RBFOX1: variants seen among roughly 807,000 people sequenced by gnomAD.
RBFOX1 encodes the protein RNA binding protein fox-1 homolog 1.
Under a neutral mutation model 57.7 loss-of-function variants are expected in RBFOX1, and 8 were observed. The observed-to-expected ratio is 0.14, with a 90% CI of 0.08 to 0.25. The LOEUF is 0.25. Ranked by LOEUF, RBFOX1 falls within the 10% of genes least tolerant of loss-of-function variation. The pLI is 1.00. For synonymous variants in RBFOX1, 326 were observed against 222.4 expected (o/e 1.47, Z -4.15); for missense variants, 611 against 548.5 (o/e 1.11, Z -1.14).
intron 4 of RBFOX1, among the ~76,000 whole-genome samples, chr16:7,310,386 G>A (rs866681001): frequency 5.3e-4 from 81 of 152,106 alleles, no homozygotes; most frequent in African/African-American, 1.9e-3. Flanking sequence ...GATTGATCCC[G>A]GCTAAAAAAG....
chr16:7,228,483 C>G (rs913184542), intron 4 of RBFOX1, among the ~76,000 whole-genome samples: 3 of 152,214 alleles, frequency 2.0e-5, no homozygotes, highest in Non-Finnish European at 2.9e-5. Flanking sequence ...TCTCATTGAA[C>G]TTGGTTTTCT....
At chr16:5,458,708 G>A (rs139371479) in intron 1 of RBFOX1, among the ~76,000 whole-genome samples, 2 of 152,252 alleles carry the variant, frequency 1.3e-5, no homozygotes, top group Non-Finnish European at 2.9e-5. Context: ...TTTAAGTTTT[G>A]GCTATCTGTA....
rs192529120 is a variant in RBFOX1 at position 6,178,377 on chromosome 16, G to A, written c.-126-138618G>A. Among the ~76,000 whole-genome samples, 3 of 151,936 alleles carry A rather than the reference G, an allele frequency of 2.0e-5. No homozygotes were observed. The East Asian group carries it at 5.8e-4, about 29-fold the overall frequency. On this transcript the variant is annotated intron_variant, in intron 1 of 15. Coordinates refer to ENST00000550418, the MANE Select transcript of RBFOX1 (RefSeq NM_018723.4). The stretch of plus-strand genomic sequence containing the variant: ...TTTTGGTATTTTTAGTATAGATGGG[G>A]TTTTGCCATGTTGACCAGGCTGGAC...
intron 3 of RBFOX1, among the ~76,000 whole-genome samples, chr16:6,690,125 T>C (rs1386668128): frequency 6.6e-6 from 1 of 152,220 alleles, no homozygotes; most frequent in Admixed American, 6.5e-5. Flanking sequence ...GCTTAGAAGA[T>C]GGTCTTAGAT....
intron 2 of RBFOX1, among the ~76,000 whole-genome samples, chr16:5,542,295 C>A (rs1276563853): frequency 1.4e-5 from 2 of 143,932 alleles, no homozygotes; most frequent in African/African-American, 5.2e-5. Context: ...GTCACCAAGG[C>A]TGGAGTGCAG....
intron 4 of RBFOX1, among the ~76,000 whole-genome samples, chr16:7,290,927 T>G (rs1036934827): frequency 3.3e-5 from 5 of 152,152 alleles, no homozygotes; most frequent in African/African-American, 1.2e-4. Context: ...CACACAGAGG[T>G]GCTATCATCC....
intron 4 of RBFOX1, among the ~76,000 whole-genome samples, chr16:7,106,984 A>AC (rs1567282011): frequency 6.7e-6 from 1 of 148,514 alleles, no homozygotes; most frequent in African/African-American, 2.5e-5. Context: ...ACACAGTTAA[A>AC]ACACACACAC....
intron 3 of RBFOX1, among the ~76,000 whole-genome samples, chr16:7,014,132 TA>T (rs969030790): frequency 6.6e-6 from 1 of 152,182 alleles, no homozygotes; most frequent in African/African-American, 2.4e-5. Context: ...GTATGCAGAA[TA>T]AATGCTCAAA....
intron 1 of RBFOX1, among the ~76,000 whole-genome samples, chr16:6,105,848 T>A (rs574348687): frequency 6.6e-5 from 10 of 152,296 alleles, no homozygotes; most frequent in Admixed American, 2.0e-4. Context: ...ACCCTGCTAT[T>A]GTTGCTTGAC....
chr16:6,517,986 C>A (rs17140449), intron 2 of RBFOX1, among the ~76,000 whole-genome samples: 13,874 of 152,068 alleles, frequency 0.091, 750 homozygotes, highest in Middle Eastern at 0.12. Context: ...GACATGAGAC[C>A]CACTGAGTTA....
At chr16:7,482,957 C>A (rs2064384830) in intron 4 of RBFOX1, among the ~76,000 whole-genome samples, 1 of 152,148 alleles carries the variant, frequency 6.6e-6, no homozygotes, top group South Asian at 2.1e-4. Flanking sequence ...AAGACCTTCA[C>A]CTGGCTAGGA....
At chr16:6,983,936 G>A (rs151011170) in intron 3 of RBFOX1, among the ~76,000 whole-genome samples, 141 of 152,274 alleles carry the variant, frequency 9.3e-4, no homozygotes, top group African/African-American at 3.1e-3. Flanking sequence ...CACAGTCTCT[G>A]CAGTTTACTA....
chr16:6,810,809 A>C (rs144970754), intron 3 of RBFOX1, among the ~76,000 whole-genome samples: 1 of 152,116 alleles, frequency 6.6e-6, no homozygotes, highest in Non-Finnish European at 1.5e-5. Context: ...GAAGTCACTC[A>C]CTATCAGGAG....
intron 10 of RBFOX1, among the ~76,000 whole-genome samples, chr16:7,620,766 T>G (rs2059188528): frequency 6.6e-6 from 1 of 152,192 alleles, no homozygotes; most frequent in African/African-American, 2.4e-5. Flanking sequence ...GGTGTAGCTT[T>G]GAGAGAGAGT....
chr16:5,366,555 A>C (rs892595018), intron 1 of RBFOX1: 3 of 394,970 alleles, frequency 7.6e-6, no homozygotes, highest in African/African-American at 6.4e-5. Flanking sequence ...TTAGAGCAGA[A>C]ATGCAAGCAA....
chr16:6,695,063 C>G (rs1442658993), intron 3 of RBFOX1, among the ~76,000 whole-genome samples: 2 of 152,030 alleles, frequency 1.3e-5, no homozygotes, highest in Non-Finnish European at 2.9e-5. Flanking sequence ...TGGAGAAGAA[C>G]TTTTAGATGA....
intron 3 of RBFOX1, among the ~76,000 whole-genome samples, chr16:5,761,816 G>A (rs111296278): frequency 6.6e-6 from 1 of 152,298 alleles, no homozygotes; most frequent in African/African-American, 2.4e-5. Context: ...AAGACATTCA[G>A]TGTCAGCAGG....
chr16:5,450,724 G>T (rs1452669630), intron 1 of RBFOX1, among the ~76,000 whole-genome samples: 1 of 152,214 alleles, frequency 6.6e-6, no homozygotes, highest in South Asian at 2.1e-4. Context: ...CGGCTCTGAT[G>T]CCTTGCTGGG....
At chr16:5,791,853 G>A (rs1473495426) in intron 3 of RBFOX1, among the ~76,000 whole-genome samples, 2 of 152,154 alleles carry the variant, frequency 1.3e-5, no homozygotes, top group African/African-American at 4.8e-5. Flanking sequence ...AAATAAAGAG[G>A]TGGAGAAAAT....
Sources: allele counts gnomAD v4.1 joint callset (sites outside exome capture counted in the v4.1 genomes callset), GRCh38; gene constraint gnomAD v4.1.1; transcripts MANE v1.5; gene names NCBI Gene and HGNC (gene_info 2026-07-23, HGNC 2026-07-21).